SETD5: variants seen among roughly 807,000 people sequenced by gnomAD.
The protein encoded by SETD5 is histone-lysine N-methyltransferase SETD5.
A neutral mutation model predicts 153.3 loss-of-function variants in SETD5; 44 were observed. The ratio of observed to expected loss-of-function variants is 0.29; its 90% CI spans 0.23 to 0.37. SETD5 has a LOEUF of 0.37. SETD5 is among the 10% of genes least tolerant of loss of function. The pLI is 1.00. For synonymous variants in SETD5, 716 were observed against 645.2 expected (o/e 1.11, Z -1.66); for missense variants, 1,544 against 1,768.0 (o/e 0.87, Z 2.27).
At chr3:9,407,501 G>A (rs556050939) in intron 1 of SETD5, among the ~76,000 whole-genome samples, 1 of 152,244 alleles carries the variant, frequency 6.6e-6, no homozygotes, top group South Asian at 2.1e-4. Context: ...ATGGCTGGAA[G>A]TTTGCAGTAG....
At chr3:9,407,099 G>C (rs541104254) in intron 1 of SETD5, among the ~76,000 whole-genome samples, 2 of 152,198 alleles carry the variant, frequency 1.3e-5, no homozygotes, top group African/African-American at 4.8e-5. Context: ...AGGCCAAGGC[G>C]GGTGGATCAC....
chr3:9,432,090 T>C (rs914432419), intron 3 of SETD5, among the ~76,000 whole-genome samples: 6 of 152,152 alleles, frequency 3.9e-5, no homozygotes, highest in Non-Finnish European at 4.4e-5. Flanking sequence ...TTCCTAATAC[T>C]CAGAGATGAT....
chr3:9,417,523 T>C (rs2037658088), intron 1 of SETD5, among the ~76,000 whole-genome samples: 1 of 151,056 alleles, frequency 6.6e-6, no homozygotes, highest in African/African-American at 2.4e-5. Flanking sequence ...TCTCGCTCTA[T>C]CGCCCAGGCT....
chr3:9,454,864 C>G (rs1216304645), intron 17 of SETD5, among the ~76,000 whole-genome samples: 1 of 151,990 alleles, frequency 6.6e-6, no homozygotes, highest in Non-Finnish European at 1.5e-5. Context: ...ATTTTCATAA[C>G]TTTTCTCTAA....
At position 9,434,715 on chromosome 3, in the gene SETD5, G is replaced by A; in HGVS notation, c.330-109G>A. The A allele has an allele frequency of 1.4e-6, 2 of 1,466,880 alleles. No individual in the cohort carries two copies. The highest frequency in any genetic ancestry group is 2.6e-5 in the Admixed American group (1 of 38,972). The allele number at this position is 1,466,880 out of a possible 1,614,324, so 90.9% of individuals were successfully genotyped here. On this transcript the variant is annotated intron_variant, in intron 5 of 22. Coordinates refer to ENST00000402198, the MANE Select transcript of SETD5 (RefSeq NM_001080517.3). The surrounding 1 kb of genome is among the most constrained non-coding windows in gnomAD (Gnocchi z 5.6). ...GAAATTTAATGTCCTGGAAACATTTGGTAGGTGGGAGGGAGGGGGTAGCAT... is the reference window on the plus strand; with the variant it reads ...GAAATTTAATGTCCTGGAAACATTTAGTAGGTGGGAGGGAGGGGGTAGCAT...
intron 17 of SETD5, among the ~76,000 whole-genome samples, chr3:9,460,562 G>A (rs1304908580): frequency 6.6e-6 from 1 of 151,788 alleles, no homozygotes; most frequent in Non-Finnish European, 1.5e-5. Context: ...TTAATAAAAA[G>A]TATGCTGGTG....
At chr3:9,451,694 C>T (rs2042645707) in intron 16 of SETD5, among the ~76,000 whole-genome samples, 1 of 152,176 alleles carries the variant, frequency 6.6e-6, no homozygotes, top group East Asian at 1.9e-4. Flanking sequence ...AGTCTGCCCA[C>T]CTTGGCCTCA....
intron 1 of SETD5, among the ~76,000 whole-genome samples, chr3:9,418,019 C>A (rs1322450255): frequency 2.7e-5 from 4 of 150,384 alleles, no homozygotes; most frequent in Admixed American, 2.0e-4. Flanking sequence ...CGGCTCACTG[C>A]AGGCTCCGCC....
chr3:9,423,989 G>A (rs1422675004), intron 1 of SETD5, among the ~76,000 whole-genome samples: 1 of 152,116 alleles, frequency 6.6e-6, no homozygotes, highest in Non-Finnish European at 1.5e-5. Context: ...TAGATGGTGT[G>A]GAATGAAGGG....
At chr3:9,405,483 A>G (rs1413796900) in intron 1 of SETD5, among the ~76,000 whole-genome samples, 1 of 152,122 alleles carries the variant, frequency 6.6e-6, no homozygotes. Flanking sequence ...ATGTTCTTCA[A>G]GCCATTTTTA....
At chr3:9,444,993 G>A in intron 11 of SETD5, 55 bp from the exon 12 acceptor site, 1 of 1,577,850 alleles carries the variant, frequency 6.3e-7, no homozygotes. Context: ...AATGGATAAT[G>A]TAACTGAATT....
chr3:9,472,818 A>G (rs2045459912), intron 19 of SETD5, among the ~76,000 whole-genome samples: 4 of 152,074 alleles, frequency 2.6e-5, no homozygotes, highest in Non-Finnish European at 5.9e-5. Flanking sequence ...AACAGCCATC[A>G]GTCACCTGGG....
chr3:9,431,294 T>G (rs1394739074), intron 3 of SETD5: 2 of 985,324 alleles, frequency 2.0e-6, no homozygotes, highest in East Asian at 1.1e-4. Context: ...GGTTGCATGT[T>G]GTACTTAGAA....
At chr3:9,446,553 C>T (rs1377967368) in intron 13 of SETD5, among the ~76,000 whole-genome samples, 2 of 151,184 alleles carry the variant, frequency 1.3e-5, no homozygotes, top group Non-Finnish European at 2.9e-5. Flanking sequence ...AGTGCAGTGG[C>T]GCAATCTCAA....
At chr3:9,442,064 T>C (rs2041357561) in intron 9 of SETD5, 64 bp from the exon 10 acceptor site, 1 of 1,068,966 alleles carries the variant, frequency 9.4e-7, no homozygotes. Context: ...GCTTCATATT[T>C]GGAGTCATGG....
rs915536794 is a variant in SETD5, at chr3:9,430,419, CT to C, written c.71+1416del. On this transcript the variant is annotated intron_variant, in intron 3 of 22. Transcript: ENST00000402198. ...AGGGTTGATTTTGTTTCTTCTAGAG[CT>C]TTTTTCTTCTTTTGTTTTTGTTTGT... 4 of 827,340 alleles carry C rather than the reference CT, an allele frequency of 4.8e-6. No individual in the cohort carries two copies. The African/African-American group carries it at 5.6e-5, about 12-fold the overall frequency. The allele number at this position is 827,340 out of a possible 1,614,324, so 51.2% of individuals were successfully genotyped here.
intron 12 of SETD5, 69 bp downstream of exon 12, chr3:9,445,369 C>T (rs768077287): frequency 1.2e-5 from 18 of 1,538,874 alleles, no homozygotes; most frequent in South Asian, 8.4e-5. Flanking sequence ...CCCGGGTTGC[C>T]GCATGGTTTA....
At position 9,457,686 on chromosome 3, in the gene SETD5, A is replaced by G. The variant is rs1270601434; in HGVS notation, c.2476+3818A>G. Among the ~76,000 whole-genome samples, 9 of 150,650 alleles carry G rather than the reference A, an allele frequency of 6.0e-5. No homozygotes were observed. The East Asian group carries it at 1.5e-3, about 26-fold the overall frequency. ...GGAATAACCTTAGTTGGGTATATGG[A>G]GTAAACTGTTACTGAGAAATATTTT... On this transcript the variant is annotated intron_variant, in intron 17 of 22. Coordinates refer to ENST00000402198, the MANE Select transcript of SETD5 (RefSeq NM_001080517.3).
At chr3:9,469,567 ACT>A (rs1447412099) in intron 18 of SETD5, among the ~76,000 whole-genome samples, 3 of 152,078 alleles carry the variant, frequency 2.0e-5, no homozygotes, top group Admixed American at 1.3e-4. Flanking sequence ...TGGTGTTTTG[ACT>A]CTAGCTTGTT....
Sources: gnomAD v4.1 joint callset for allele counts (sites outside exome capture counted in the v4.1 genomes callset) on GRCh38, gnomAD v4.1.1 for gene constraint, Gnocchi (gnomAD v3.1) non-coding constraint, MANE v1.5 for transcripts, NCBI Gene and HGNC (gene_info 2026-07-23, HGNC 2026-07-21) for gene names.